Variants in RYR2 observed in about 807,000 individuals in gnomAD.
RYR2 encodes cardiac muscle ryanodine receptor-calcium release channel.
In RYR2, 227 loss-of-function variants were observed where a neutral mutation model predicts 601.1. That is an observed-to-expected ratio of 0.38 (90% CI 0.34 to 0.42). The LOEUF is 0.42. RYR2 is among the 10% of genes least tolerant of loss of function. The pLI is 1.00. For missense variants in RYR2, 4,646 were observed against 6,156.5 expected (o/e 0.75, Z 8.21); for synonymous variants, 2,223 against 2,175.1 (o/e 1.02, Z -0.61).
intron 1 of RYR2, among the ~76,000 whole-genome samples, chr1:237,099,167 C>T (rs1667809418): frequency 6.6e-6 from 1 of 151,422 alleles, no homozygotes; most frequent in African/African-American, 2.4e-5. Context: ...TTAATTCAGC[C>T]CAGCTGGTCA....
chr1:237,668,071 G>A (rs543294513), intron 58 of RYR2, 113 bp downstream of exon 58: 111 of 765,438 alleles, frequency 1.5e-4, no homozygotes, highest in African/African-American at 1.1e-3. Context: ...AAATCAGAAC[G>A]GTTTAATTGT....
intron 22 of RYR2, among the ~76,000 whole-genome samples, chr1:237,505,123 C>A (rs1057414005): frequency 6.6e-6 from 1 of 152,200 alleles, no homozygotes; most frequent in African/African-American, 2.4e-5. Context: ...GCATCAAGTA[C>A]TCTTCCCTTA....
Position 237,707,127 on chromosome 1 carries a change from A to C in RYR2, c.9759A>C (p.Gly3253=), listed in dbSNP as rs1553293285. The change falls in exon 68 of 105, where the codon GGA becomes GGC. Residue 3253 remains glycine, a synonymous_variant. Transcript: ENST00000366574. ...CSYMSRWWEH[G]PENNPERAEM... is the part of the protein sequence containing the mutation. The stretch of plus-strand genomic sequence containing the variant: ...ACATGTCTCGTTGGTGGGAGCATGG[A>C]CCTGAGAACAATCCAGAACGGGCCG... 4 of 1,613,864 alleles carry C rather than the reference A, an allele frequency of 2.5e-6. No homozygotes were observed. Among genetic ancestry groups the C allele is most frequent in the Non-Finnish European group, 3.4e-6 (4 of 1,179,866 alleles).
intron 1 of RYR2, among the ~76,000 whole-genome samples, chr1:237,135,570 T>G (rs2490375): frequency 1 from 148,777 of 148,976 alleles, 74,289 homozygotes; most frequent in Middle Eastern, 1. Context: ...TAGAGATGGG[T>G]TTTCACCTCC....
chr1:237,586,780 T>C (rs1173680095), intron 29 of RYR2, among the ~76,000 whole-genome samples: 1 of 151,956 alleles, frequency 6.6e-6, no homozygotes, highest in African/African-American at 2.4e-5. Flanking sequence ...TGTGTGGTGG[T>C]GCAATCTAGG....
intron 2 of RYR2, among the ~76,000 whole-genome samples, chr1:237,329,033 T>C (rs932440821): frequency 3.3e-5 from 5 of 152,200 alleles, no homozygotes; most frequent in African/African-American, 9.6e-5. Flanking sequence ...AAAGCATACA[T>C]GATTAATAAC....
At chr1:237,604,799 T>C (rs10925468) in intron 35 of RYR2, among the ~76,000 whole-genome samples, 52,091 of 151,084 alleles carry the variant, frequency 0.34, 10,645 homozygotes, top group Admixed American at 0.47. Context: ...AACACCTCTA[T>C]GCAAATAAAC....
chr1:237,639,334 T>C, intron 46 of RYR2, 133 bp downstream of exon 46: 1 of 897,260 alleles, frequency 1.1e-6, no homozygotes, highest in Non-Finnish European at 1.6e-6. Context: ...AAATATAATG[T>C]CTTAGATTTG....
At chr1:237,414,257 A>T (rs1157222184) in intron 10 of RYR2, among the ~76,000 whole-genome samples, 1 of 152,184 alleles carries the variant, frequency 6.6e-6, no homozygotes, top group Non-Finnish European at 1.5e-5. Context: ...TCTGAGTGTT[A>T]TCTGTACATT....
chr1:237,626,373 A>T (rs1321010807), intron 40 of RYR2, among the ~76,000 whole-genome samples: 1 of 152,042 alleles, frequency 6.6e-6, no homozygotes. Context: ...AAGATGCAGC[A>T]ATGGTTTGTT....
At chr1:237,401,843 C>A (rs940367149) in intron 10 of RYR2, among the ~76,000 whole-genome samples, 1 of 152,092 alleles carries the variant, frequency 6.6e-6, no homozygotes, top group South Asian at 2.1e-4. Flanking sequence ...TATTTAGGGG[C>A]CCACCATGAA....
At chr1:237,154,436 T>G (rs1675084036) in intron 1 of RYR2, among the ~76,000 whole-genome samples, 1 of 152,206 alleles carries the variant, frequency 6.6e-6, no homozygotes, top group Admixed American at 6.5e-5. Context: ...GACTATTGGC[T>G]GAGGAAAGTC....
intron 1 of RYR2, among the ~76,000 whole-genome samples, chr1:237,196,581 T>C (rs1210647706): frequency 1.3e-5 from 2 of 152,196 alleles, no homozygotes; most frequent in Non-Finnish European, 2.9e-5. Context: ...CTGATTATTT[T>C]ATATGTCAGC....
rs140327427 is a variant in RYR2 at position 237,362,849 on chromosome 1, T to C, written c.295-1509T>C. On this transcript the variant is annotated intron_variant, in intron 4 of 104. Transcript: ENST00000366574. ...TGCAGAAGGATATTTCAGCATTTGC[T>C]ATTTTTCAGTATTCATTCTATTTTG... 9.6e-3 allele frequency among the ~76,000 whole-genome samples: 1,461 copies of C among 152,312 alleles called. 10 individuals are homozygous for C. Among genetic ancestry groups the C allele is most frequent in the Non-Finnish European group, 0.015 (1,033 of 68,024 alleles).
intron 32 of RYR2, among the ~76,000 whole-genome samples, chr1:237,593,258 G>T (rs1003555615): frequency 6.6e-6 from 1 of 152,072 alleles, no homozygotes; most frequent in Admixed American, 6.6e-5. Flanking sequence ...TCTCTTTCCT[G>T]TTATTTCTTA....
chr1:237,518,193 T>C (rs987359990), intron 24 of RYR2, among the ~76,000 whole-genome samples: 21 of 152,182 alleles, frequency 1.4e-4, no homozygotes, highest in Admixed American at 1.0e-3. Flanking sequence ...CCACCTGAAA[T>C]TATAATATCC....
intron 2 of RYR2, among the ~76,000 whole-genome samples, chr1:237,290,015 A>G (rs988725724): frequency 1.3e-5 from 2 of 152,186 alleles, no homozygotes; most frequent in East Asian, 3.9e-4. Flanking sequence ...TTACAATACA[A>G]CATAGTGGCC....
At chr1:237,793,399 T>TCAGC (rs1658696593) in intron 94 of RYR2, among the ~76,000 whole-genome samples, 1 of 152,218 alleles carries the variant, frequency 6.6e-6, no homozygotes, top group Non-Finnish European at 1.5e-5. Context: ...GATGTCGAAA[T>TCAGC]TAAAATTTAT....
intron 26 of RYR2, 27 bp from the exon 27 acceptor site, chr1:237,550,517 A>G: frequency 6.2e-7 from 1 of 1,602,730 alleles, no homozygotes; most frequent in East Asian, 2.2e-5. Context: ...TATTGCTTTG[A>G]CGGCTGCACC....
Sources: allele counts gnomAD v4.1 joint callset (sites outside exome capture counted in the v4.1 genomes callset), GRCh38; gene constraint gnomAD v4.1.1; transcripts MANE v1.5; gene names NCBI Gene and HGNC (gene_info 2026-07-23, HGNC 2026-07-21).